The following CREBBP variants were observed in gnomAD, a reference collection of about 807,000 sequenced individuals.
CREBBP encodes CREB-binding protein.
A neutral mutation model predicts 265.0 loss-of-function variants in CREBBP; 19 were observed. The ratio of observed to expected loss-of-function variants is 0.07; its 90% CI spans 0.05 to 0.11. CREBBP has a LOEUF of 0.11. Among genes scored for constraint, CREBBP ranks in the 10% least tolerant of loss-of-function variants. The pLI, the probability that CREBBP is intolerant of heterozygous loss-of-function variation, is 1.00. For missense variants in CREBBP, 2,525 were observed against 3,219.0 expected (o/e 0.78, Z 5.22); for synonymous variants, 1,457 against 1,223.7 (o/e 1.19, Z -3.98).
Position 3,782,782 on chromosome 16 carries a change from T to C in CREBBP, c.1475A>G (p.Tyr492Cys), listed in dbSNP as rs1368073022. The change falls in exon 6 of 31, where the codon TAC becomes TGC. Residue 492 changes from tyrosine to cysteine, a missense_variant. This residue lies in a region of CREBBP where 144 missense variants were observed against 134.0 expected (regional missense o/e 1.07). Transcript: ENST00000262367. ...CAGCTGCGTCTGGGGCTGGTTCATG[T>C]AGGGGAGTCCGAGAGCAGCATAGGC... ...QRAYAALGLP[Y>C]MNQPQTQLQP... The C allele has an allele frequency of 6.2e-7, 1 of 1,614,116 alleles. No homozygotes were observed. The highest frequency in any genetic ancestry group is 8.5e-7 in the Non-Finnish European group (1 of 1,180,038).
intron 4 of CREBBP, 99 bp downstream of exon 4, chr16:3,793,287 A>C (rs779130418): frequency 3.2e-5 from 49 of 1,515,140 alleles, no homozygotes; most frequent in Non-Finnish European, 4.4e-5. Flanking sequence ...GGCAGCACTC[A>C]GGCTGCCGGA....
intron 5 of CREBBP, 92 bp from the exon 6 acceptor site, chr16:3,783,018 C>T: frequency 2.7e-6 from 4 of 1,500,954 alleles, no homozygotes; most frequent in Non-Finnish European, 3.7e-6. Flanking sequence ...GAAGCAAATA[C>T]ATTTCATCAA....
intron 2 of CREBBP, among the ~76,000 whole-genome samples, chr16:3,812,759 G>A (rs2053962901): frequency 6.6e-6 from 1 of 152,114 alleles, no homozygotes; most frequent in Non-Finnish European, 1.5e-5. Context: ...GGATGCTTGG[G>A]CTGCCTGTCT....
rs138314886 is a variant in CREBBP, at chr16:3,770,896, G to C, written c.2554C>G (p.Pro852Ala). ...QLPCPPVTQS[P>A]LHPTPPPAST... is the part of the protein sequence containing the mutation. ...GCAGGAGGCGGTGTTGGGTGCAGTG[G>C]TGACTGTGTCACTGGAGGGCAAGGT... is the stretch of plus-strand genomic sequence containing the variant. The change falls in exon 14 of 31, where the codon CCA becomes GCA. Residue 852 changes from proline (P) to alanine (A), a missense_variant. By Grantham distance (27) the Pro-to-Ala change is conservative. Transcript: ENST00000262367. 7.4e-6 allele frequency: 12 copies of C among 1,613,758 alleles called. No homozygotes were observed. In the African/African-American group the frequency reaches 1.6e-4, roughly 22 times the overall value.
rs1409715759 is a variant in CREBBP, at chr16:3,729,539, G to A, written c.5508C>T (p.Asn1836=). 2 of 1,614,206 alleles carry A rather than the reference G, an allele frequency of 1.2e-6. No individual in the cohort carries two copies. The highest frequency in any genetic ancestry group is 4.5e-5 in the East Asian group (2 of 44,880). Residue 1836 remains asparagine, a synonymous_variant, in exon 31 of 31, where the codon AAC becomes AAT. Transcript: ENST00000262367. ...TGAGGCAGAAGGGCACGGGGCATTT[G>A]TTTTCTTGGCAGTGCTTGGCGTGGT... ...CCYHAKHCQE[N]KCPVPFCLNI...
At chr16:3,834,477 A>C (rs2054403304) in intron 2 of CREBBP, among the ~76,000 whole-genome samples, 1 of 152,204 alleles carries the variant, frequency 6.6e-6, no homozygotes, top group African/African-American at 2.4e-5. Context: ...GTAACTTTAC[A>C]AAAAGGCAAA....
Position 3,810,753 on chromosome 16 carries a change from T to C in CREBBP, c.825A>G (p.Pro275=), listed in dbSNP as rs370509157. 4.3e-6 allele frequency: 7 copies of C among 1,613,778 alleles called. No homozygotes were observed. Among genetic ancestry groups the C allele is most frequent in the Non-Finnish European group, 5.9e-6 (7 of 1,180,032 alleles). ...CAGCTTGACTAAAGGGCTGTCCAAA[T>C]GGACTTGTGTTCCCAGTTATTCCCA... ...AKMGITGNTS[P]FGQPFSQAGG... is the part of the protein sequence containing the mutation. Residue 275 remains proline (P), a synonymous_variant, in exon 3 of 31, where the codon CCA becomes CCG. Coordinates refer to ENST00000262367, the MANE Select transcript of CREBBP (RefSeq NM_004380.3).
At chr16:3,807,660 C>CAT (rs1400386411) in intron 3 of CREBBP, among the ~76,000 whole-genome samples, 37 of 152,344 alleles carry the variant, frequency 2.4e-4, no homozygotes, top group African/African-American at 8.7e-4. Flanking sequence ...CAGGAAGCTA[C>CAT]ATAGCTTTGA....
At chr16:3,756,097 T>C (rs906976166) in intron 19 of CREBBP, among the ~76,000 whole-genome samples, 1 of 152,000 alleles carries the variant, frequency 6.6e-6, no homozygotes, top group African/African-American at 2.4e-5. Context: ...TGTGAACAAA[T>C]AACAAAAAGC....
Position 3,738,583 on chromosome 16 carries a change from T to C in CREBBP, c.4370A>G (p.Tyr1457Cys). The change falls in exon 26 of 31, where the codon TAT becomes TGT. Residue 1457 changes from tyrosine to cysteine, a missense_variant. Physicochemically the swap from Tyr to Cys is radical, Grantham distance 194. This residue lies in a region of CREBBP where 252 missense variants were observed against 452.5 expected (regional missense o/e 0.56). Coordinates refer to ENST00000262367, the MANE Select transcript of CREBBP (RefSeq NM_004380.3). ...CCCTAATTTCTTCACATACTCTAAATATCCAATAAGGATCTCATGGTAAAC... is the reference window on the plus strand; with the variant it reads ...CCCTAATTTCTTCACATACTCTAAACATCCAATAAGGATCTCATGGTAAAC... ...TAVYHEILIG[Y>C]LEYVKKLGYV... The C allele has an allele frequency of 6.2e-7, 1 of 1,611,620 alleles. No individual in the cohort carries two copies.
At chr16:3,840,267 T>C (rs2054540673) in intron 2 of CREBBP, among the ~76,000 whole-genome samples, 1 of 152,178 alleles carries the variant, frequency 6.6e-6, no homozygotes, top group African/African-American at 2.4e-5. Context: ...ATATTAGAAA[T>C]TCCAGCCAGG....
intron 5 of CREBBP, among the ~76,000 whole-genome samples, chr16:3,787,053 A>G (rs558404914): frequency 6.7e-6 from 1 of 149,552 alleles, no homozygotes; most frequent in South Asian, 2.1e-4. Context: ...CCTGGGCGAC[A>G]GAGTGAGACT....
chr16:3,824,251 T>C (rs1016740427), intron 2 of CREBBP, among the ~76,000 whole-genome samples: 3 of 152,246 alleles, frequency 2.0e-5, no homozygotes, highest in East Asian at 1.9e-4. Context: ...ACAGACACAG[T>C]TGACCGAGGC....
intron 23 of CREBBP, among the ~76,000 whole-genome samples, chr16:3,744,164 C>T (rs129971): frequency 2.0e-5 from 3 of 152,190 alleles, no homozygotes; most frequent in African/African-American, 7.2e-5. Flanking sequence ...CCACCAGCTG[C>T]AGTAACATGT....
At chr16:3,796,192 C>G (rs1384157842) in intron 3 of CREBBP, among the ~76,000 whole-genome samples, 1 of 152,116 alleles carries the variant, frequency 6.6e-6, no homozygotes, top group Non-Finnish European at 1.5e-5. Flanking sequence ...TAAATTATAA[C>G]CAGACTGTTC....
intron 21 of CREBBP, among the ~76,000 whole-genome samples, chr16:3,749,151 C>CAA (rs2052417748): frequency 6.6e-6 from 1 of 152,110 alleles, no homozygotes; most frequent in African/African-American, 2.4e-5. Context: ...TCTCAAAAAA[C>CAA]AAAACAAAAC....
At chr16:3,761,194 T>C (rs1030086519) in intron 16 of CREBBP, among the ~76,000 whole-genome samples, 4 of 151,710 alleles carry the variant, frequency 2.6e-5, no homozygotes, top group African/African-American at 9.7e-5. Flanking sequence ...CCTCAGGTGA[T>C]GTGATCTGCT....
At chr16:3,829,235 T>G (rs2054296284) in intron 2 of CREBBP, among the ~76,000 whole-genome samples, 1 of 152,214 alleles carries the variant, frequency 6.6e-6, no homozygotes, top group East Asian at 1.9e-4. Context: ...CCATTTACAT[T>G]AAGAATGTTA....
intron 1 of CREBBP, among the ~76,000 whole-genome samples, chr16:3,875,573 T>G (rs1378886817): frequency 6.6e-6 from 1 of 152,202 alleles, no homozygotes; most frequent in African/African-American, 2.4e-5. Context: ...TCCCCCTTAG[T>G]GATCTCATTC....
Sources: gnomAD v4.1 joint callset for allele counts (sites outside exome capture counted in the v4.1 genomes callset) on GRCh38, gnomAD v4.1.1 for gene constraint, gnomAD v4.1.1 regional missense constraint, MANE v1.5 for transcripts, NCBI Gene and HGNC (gene_info 2026-07-23, HGNC 2026-07-21) for gene names.